The following NRXN3 variants were observed in gnomAD, a reference collection of about 807,000 sequenced individuals.
The protein encoded by NRXN3 is neurexin 3.
A neutral mutation model predicts 137.6 loss-of-function variants in NRXN3; 32 were observed. That is an observed-to-expected ratio of 0.23 (90% CI 0.18 to 0.31). The LOEUF (loss-of-function observed/expected upper bound fraction) is 0.31, where lower values mean the gene tolerates loss of function less well. Among genes scored for constraint, NRXN3 ranks in the 10% least tolerant of loss-of-function variants. The pLI is 1.00. For missense variants in NRXN3, 1,574 were observed against 2,062.5 expected (o/e 0.76, Z 4.59); for synonymous variants, 798 against 784.5 (o/e 1.02, Z -0.29).
intron 16 of NRXN3, among the ~76,000 whole-genome samples, chr14:79,565,540 G>A (rs1360899115): frequency 6.6e-6 from 1 of 151,776 alleles, no homozygotes; most frequent in Non-Finnish European, 1.5e-5. Context: ...ATATAAATGG[G>A]GAGGTTTTCC....
chr14:78,759,912 A>G (rs998588485), intron 8 of NRXN3, among the ~76,000 whole-genome samples: 7 of 152,102 alleles, frequency 4.6e-5, no homozygotes, highest in Non-Finnish European at 1.0e-4. Context: ...CAGCATTTCT[A>G]GATGATATGT....
intron 8 of NRXN3, among the ~76,000 whole-genome samples, chr14:78,734,910 T>A (rs1439448614): frequency 3.3e-5 from 5 of 152,168 alleles, no homozygotes; most frequent in Non-Finnish European, 5.9e-5. Flanking sequence ...TGATTTAGAA[T>A]TTATCCTAAA....
Position 79,307,113 on chromosome 14 carries a change from G to T in NRXN3, c.3263-160108G>T, listed in dbSNP as rs150398832. On this transcript the variant is annotated intron_variant, in intron 15 of 20. Transcript: ENST00000335750. ...TTAGGACAGCCACAATTTATCAAATGTTAGCAATGCACCAAAGCCTAAGAA... is the reference window on the plus strand; with the variant it reads ...TTAGGACAGCCACAATTTATCAAATTTTAGCAATGCACCAAAGCCTAAGAA... Among the ~76,000 whole-genome samples, 12 of 152,190 alleles carry T rather than the reference G, an allele frequency of 7.9e-5. No homozygotes were observed. The East Asian group carries it at 2.3e-3, about 29-fold the overall frequency.
chr14:79,661,391 T>G (rs1262778450), intron 16 of NRXN3, among the ~76,000 whole-genome samples: 6 of 152,176 alleles, frequency 3.9e-5, no homozygotes, highest in Non-Finnish European at 1.5e-5. Flanking sequence ...TGGTTGATCA[T>G]TCTATATTCC....
At chr14:78,488,757 G>A (rs1048385269) in intron 4 of NRXN3, among the ~76,000 whole-genome samples, 4 of 150,310 alleles carry the variant, frequency 2.7e-5, no homozygotes, top group Admixed American at 1.3e-4. Context: ...AAGAAAGGAG[G>A]AGGAGGATGA....
intron 19 of NRXN3, among the ~76,000 whole-genome samples, chr14:79,740,743 T>TATAA (rs2098959895): frequency 2.1e-5 from 1 of 48,262 alleles, no homozygotes; most frequent in Non-Finnish European, 4.5e-5. Context: ...TATATATATA[T>TATAA]ATATATATAT....
chr14:78,756,889 G>A (rs1387815629), intron 8 of NRXN3, among the ~76,000 whole-genome samples: 1 of 152,182 alleles, frequency 6.6e-6, no homozygotes, highest in African/African-American at 2.4e-5. Flanking sequence ...CATTTGGTGG[G>A]TTATTAGATT....
chr14:78,768,586 A>G (rs2098716609), intron 8 of NRXN3, among the ~76,000 whole-genome samples: 1 of 152,178 alleles, frequency 6.6e-6, no homozygotes. Context: ...AGATATGTAC[A>G]TCTATTTTAT....
intron 15 of NRXN3, among the ~76,000 whole-genome samples, chr14:79,314,304 G>T (rs1277234996): frequency 9.3e-6 from 1 of 107,448 alleles, no homozygotes; most frequent in Non-Finnish European, 1.9e-5. Context: ...AAGGGGTGAC[G>T]GACGCACCTG....
intron 15 of NRXN3, among the ~76,000 whole-genome samples, chr14:79,024,926 C>A (rs1174262122): frequency 6.6e-6 from 1 of 152,030 alleles, no homozygotes; most frequent in Non-Finnish European, 1.5e-5. Context: ...AAAAGACAGG[C>A]CTAAGTTCTT....
At chr14:78,384,607 A>G (rs1191314934) in intron 4 of NRXN3, among the ~76,000 whole-genome samples, 1 of 152,162 alleles carries the variant, frequency 6.6e-6, no homozygotes, top group African/African-American at 2.4e-5. Flanking sequence ...TAGACCCACT[A>G]TAACTGGGGG....
At chr14:78,443,297 T>C (rs2094316829) in intron 4 of NRXN3, among the ~76,000 whole-genome samples, 1 of 152,194 alleles carries the variant, frequency 6.6e-6, no homozygotes, top group African/African-American at 2.4e-5. Flanking sequence ...TGTCTCTGTA[T>C]GTTGATCCTC....
At chr14:79,479,846 C>T (rs28463649) in intron 16 of NRXN3, among the ~76,000 whole-genome samples, 4 of 151,950 alleles carry the variant, frequency 2.6e-5, no homozygotes, top group Non-Finnish European at 5.9e-5. Flanking sequence ...GAATGCAGTG[C>T]GGTAGAATAA....
intron 15 of NRXN3, among the ~76,000 whole-genome samples, chr14:79,130,579 T>TA (rs531268169): frequency 0.018 from 2,679 of 152,238 alleles, 78 homozygotes; most frequent in African/African-American, 0.062. Context: ...CCTTTGTGGG[T>TA]AACCCGACCT....
intron 16 of NRXN3, among the ~76,000 whole-genome samples, chr14:79,509,452 G>A (rs1464675981): frequency 6.6e-6 from 1 of 151,834 alleles, no homozygotes; most frequent in African/African-American, 2.4e-5. Flanking sequence ...GGAGGCGGAG[G>A]CTGCAGTGAG....
chr14:78,605,949 A>G (rs2097248771), intron 4 of NRXN3, among the ~76,000 whole-genome samples: 1 of 152,180 alleles, frequency 6.6e-6, no homozygotes, highest in South Asian at 2.1e-4. Context: ...GTGTGTATAC[A>G]TGTTTTTAAT....
At chr14:79,759,692 A>G (rs950994243) in intron 19 of NRXN3, among the ~76,000 whole-genome samples, 1 of 151,666 alleles carries the variant, frequency 6.6e-6, no homozygotes, top group Non-Finnish European at 1.5e-5. Flanking sequence ...TTCCTGACAT[A>G]AAGTTTTTAC....
At chr14:79,722,675 G>A (rs2098848955) in intron 19 of NRXN3, among the ~76,000 whole-genome samples, 1 of 152,078 alleles carries the variant, frequency 6.6e-6, no homozygotes, top group African/African-American at 2.4e-5. Flanking sequence ...CACAGTAAAT[G>A]GAGCTTATCA....
intron 16 of NRXN3, among the ~76,000 whole-genome samples, chr14:79,482,284 G>A (rs2096616427): frequency 6.6e-6 from 1 of 152,218 alleles, no homozygotes; most frequent in African/African-American, 2.4e-5. Context: ...GTTAGGGCAA[G>A]ATGGAATTGG....
Sources: allele counts gnomAD v4.1 joint callset (sites outside exome capture counted in the v4.1 genomes callset), GRCh38; gene constraint gnomAD v4.1.1; transcripts MANE v1.5; gene names NCBI Gene and HGNC (gene_info 2026-07-23, HGNC 2026-07-21).